The following SIL1 variants were observed in gnomAD, a reference collection of about 807,000 sequenced individuals.
SIL1 encodes the protein nucleotide exchange factor SIL1.
SIL1 carries 40 observed loss-of-function variants against 49.1 expected under a neutral mutation model. That is an observed-to-expected ratio of 0.81 (90% confidence interval 0.63 to 1.06). SIL1 has a LOEUF of 1.06. Among genes scored for constraint, SIL1 ranks in the 50% least tolerant of loss-of-function variants. The pLI is 0.00. For synonymous variants in SIL1, 253 were observed against 250.8 expected (o/e 1.01, Z -0.08); for missense variants, 500 against 572.6 (o/e 0.87, Z 1.29).
chr5:139,003,555 G>A (rs1192208079), intron 7 of SIL1, among the ~76,000 whole-genome samples: 3 of 152,114 alleles, frequency 2.0e-5, no homozygotes, highest in East Asian at 1.9e-4. Flanking sequence ...TTTAAATAAC[G>A]TACACAAGTT....
Position 139,159,773 on chromosome 5 carries a change from G to C in SIL1, c.-10-31920C>G, listed in dbSNP as rs1251769341. On this transcript the variant is annotated intron_variant, in intron 1 of 9. Transcript: ENST00000394817. ...AGTATATTAGTCCATCAGGTGCACA[G>C]GTGAAGAATACAGAGGCTGATCCAC... is the stretch of plus-strand genomic sequence containing the variant. Among the ~76,000 whole-genome samples the C allele has an allele frequency of 2.6e-5, 4 of 152,166 alleles. No individual in the cohort carries two copies. The East Asian group carries it at 7.7e-4, about 29-fold the overall frequency.
intron 5 of SIL1, chr5:139,032,849 T>A (rs1463644664): frequency 6.6e-6 from 1 of 152,208 alleles, no homozygotes; most frequent in African/African-American, 2.4e-5. Flanking sequence ...TGCATAGAGT[T>A]GTTCATAGTA....
At chr5:139,102,484 CAAAA>C (rs57739735) in intron 3 of SIL1, among the ~76,000 whole-genome samples, 18 of 115,640 alleles carry the variant, frequency 1.6e-4, no homozygotes, top group Admixed American at 2.7e-4. Flanking sequence ...TGTCAGCAGG[CAAAA>C]AAAAAAAAAA....
At chr5:139,142,691 A>G (rs1465179188) in intron 1 of SIL1, among the ~76,000 whole-genome samples, 2 of 152,208 alleles carry the variant, frequency 1.3e-5, no homozygotes, top group Non-Finnish European at 2.9e-5. Context: ...CATCATATTT[A>G]ATGGTGAAAG....
chr5:139,105,362 C>T (rs1399436303), intron 3 of SIL1, among the ~76,000 whole-genome samples: 1 of 152,158 alleles, frequency 6.6e-6, no homozygotes, highest in Non-Finnish European at 1.5e-5. Flanking sequence ...CAAAATACCA[C>T]TGACATGAAA....
chr5:139,195,015 C>T (rs1460271073), intron 1 of SIL1, among the ~76,000 whole-genome samples: 1 of 151,802 alleles, frequency 6.6e-6, no homozygotes, highest in Non-Finnish European at 1.5e-5. Context: ...TCATTGCAAC[C>T]TCCGCCTCCC....
intron 3 of SIL1, among the ~76,000 whole-genome samples, chr5:139,058,274 T>C (rs1423866536): frequency 6.6e-6 from 1 of 152,060 alleles, no homozygotes; most frequent in East Asian, 1.9e-4. Context: ...GGAATGAGGA[T>C]TGACCACTCG....
intron 7 of SIL1, among the ~76,000 whole-genome samples, chr5:138,982,641 TG>T (rs1346757159): frequency 6.6e-6 from 1 of 152,242 alleles, no homozygotes; most frequent in African/African-American, 2.4e-5. Context: ...CCAAGGGGTT[TG>T]GCCAAGGTCA....
At chr5:139,173,886 G>C (rs528685903) in intron 1 of SIL1, among the ~76,000 whole-genome samples, 3 of 150,926 alleles carry the variant, frequency 2.0e-5, no homozygotes, top group African/African-American at 7.3e-5. Flanking sequence ...GTGAACCCAG[G>C]AGGCGGAGCT....
chr5:139,158,930 T>A (rs956459616), intron 1 of SIL1, among the ~76,000 whole-genome samples: 1 of 152,164 alleles, frequency 6.6e-6, no homozygotes, highest in Admixed American at 6.5e-5. Context: ...ACTGGTTCCA[T>A]GGGAACTGCA....
At chr5:139,170,978 C>T (rs1561889294) in intron 1 of SIL1, among the ~76,000 whole-genome samples, 1 of 148,758 alleles carries the variant, frequency 6.7e-6, no homozygotes, top group Non-Finnish European at 1.5e-5. Context: ...CCCGGCCAGC[C>T]GCCCCGTCCG....
At chr5:139,105,966 C>T (rs758384048) in intron 3 of SIL1, among the ~76,000 whole-genome samples, 5 of 152,206 alleles carry the variant, frequency 3.3e-5, no homozygotes, top group African/African-American at 4.8e-5. Flanking sequence ...CAAGCGAAGC[C>T]GTGCCAAACT....
chr5:139,024,274 C>T (rs577464037), intron 6 of SIL1, among the ~76,000 whole-genome samples: 1 of 152,282 alleles, frequency 6.6e-6, no homozygotes. Flanking sequence ...CTTTAAATAT[C>T]TCTAATGGAA....
At chr5:139,122,578 GAGC>G (rs1030427406) in intron 2 of SIL1, among the ~76,000 whole-genome samples, 13 of 151,144 alleles carry the variant, frequency 8.6e-5, no homozygotes, top group Non-Finnish European at 1.6e-4. Context: ...CTGTGTGACA[GAGC>G]AAGACCCTGT....
At chr5:139,067,091 A>G (rs562614191) in intron 3 of SIL1, among the ~76,000 whole-genome samples, 1 of 152,340 alleles carries the variant, frequency 6.6e-6, no homozygotes, top group African/African-American at 2.4e-5. Context: ...ATATGTTCTA[A>G]AACAAAGATG....
At chr5:139,115,585 C>T (rs553429576) in intron 3 of SIL1, among the ~76,000 whole-genome samples, 163 of 152,200 alleles carry the variant, frequency 1.1e-3, no homozygotes, top group Non-Finnish European at 1.7e-3. Flanking sequence ...CCATAAAAGC[C>T]CTGAAACAAC....
At chr5:139,027,814 G>A (rs1461484008) in intron 5 of SIL1, among the ~76,000 whole-genome samples, 1 of 152,106 alleles carries the variant, frequency 6.6e-6, no homozygotes, top group Non-Finnish European at 1.5e-5. Flanking sequence ...AAAAGGCACA[G>A]ATATTTATAA....
At chr5:139,163,215 G>A (rs779698829) in intron 1 of SIL1, among the ~76,000 whole-genome samples, 17 of 152,106 alleles carry the variant, frequency 1.1e-4, no homozygotes, top group Non-Finnish European at 2.2e-4. Flanking sequence ...CCCAAAGGGC[G>A]TCAGGCAGCA....
intron 3 of SIL1, among the ~76,000 whole-genome samples, chr5:139,110,764 T>G (rs1445156310): frequency 6.6e-6 from 1 of 151,992 alleles, no homozygotes; most frequent in Non-Finnish European, 1.5e-5. Context: ...CCTCAAAGAG[T>G]TCCCTTGATG....
Sources: gnomAD v4.1 joint callset for allele counts (sites outside exome capture counted in the v4.1 genomes callset) on GRCh38, gnomAD v4.1.1 for gene constraint, MANE v1.5 for transcripts, NCBI Gene and HGNC (gene_info 2026-07-23, HGNC 2026-07-21) for gene names.